The following DCAF1 variants were observed in gnomAD, a reference collection of about 807,000 sequenced individuals.
DCAF1 encodes DDB1 and CUL4 associated factor 1.
In DCAF1, 15 loss-of-function variants were observed where a neutral mutation model predicts 128.0. That is an observed-to-expected ratio of 0.12 (90% CI 0.08 to 0.18). The LOEUF is 0.18. DCAF1 is among the 10% of genes least tolerant of loss of function. The pLI is 1.00. For missense variants in DCAF1, 988 were observed against 1,649.5 expected (o/e 0.60, Z 6.95); for synonymous variants, 610 against 603.0 (o/e 1.01, Z -0.17).
At chr3:51,412,582 T>C in intron 22 of DCAF1, 102 bp from the exon 23 acceptor site, 4 of 1,540,746 alleles carry the variant, frequency 2.6e-6, no homozygotes, top group South Asian at 1.2e-5. Context: ...CCTGTAATTA[T>C]TAAAGCTTCT....
chr3:51,476,151 G>A (rs1705421221), intron 3 of DCAF1, among the ~76,000 whole-genome samples: 2 of 151,752 alleles, frequency 1.3e-5, no homozygotes, highest in African/African-American at 2.4e-5. Flanking sequence ...GGAGCACTTT[G>A]GGAGGCTGAG....
intron 5 of DCAF1, 86 bp from the exon 6 acceptor site, chr3:51,463,313 A>G: frequency 1.4e-6 from 1 of 700,400 alleles, no homozygotes; most frequent in African/African-American, 1.8e-5. Flanking sequence ...ACATATTCCC[A>G]TTACTTTCTT....
rs941118071 is a variant in DCAF1 at position 51,428,030 on chromosome 3, T to A, written c.1678-489A>T. On this transcript the variant is annotated intron_variant, in intron 12 of 24. Transcript: ENST00000684031. ...CCACAATTCTTGAGTCAAAAGCCCA[T>A]ATGTGAAGTAATGACCATAGATTGC... 2.6e-5 allele frequency among the ~76,000 whole-genome samples: 4 copies of A among 152,308 alleles called. No homozygotes were observed. In the East Asian group the frequency reaches 7.7e-4, roughly 29 times the overall value.
intron 24 of DCAF1, among the ~76,000 whole-genome samples, chr3:51,401,731 C>A (rs1426440408): frequency 1.3e-5 from 2 of 152,206 alleles, no homozygotes; most frequent in Non-Finnish European, 2.9e-5. Flanking sequence ...GGGAGCACCA[C>A]CATCAGCTGG....
chr3:51,476,243 T>C (rs1004240640), intron 3 of DCAF1, among the ~76,000 whole-genome samples: 5 of 151,240 alleles, frequency 3.3e-5, no homozygotes, highest in South Asian at 4.2e-4. Context: ...ATACGAAAAT[T>C]AGCCAGGCAT....
chr3:51,454,240 T>C (rs1553642237), intron 6 of DCAF1, among the ~76,000 whole-genome samples: 1 of 152,124 alleles, frequency 6.6e-6, no homozygotes, highest in Non-Finnish European at 1.5e-5. Context: ...AGGGTCTTCC[T>C]ATATTGCCCA....
At chr3:51,426,385 T>C (rs1352963508) in intron 13 of DCAF1, among the ~76,000 whole-genome samples, 1 of 152,078 alleles carries the variant, frequency 6.6e-6, no homozygotes, top group Non-Finnish European at 1.5e-5. Flanking sequence ...AATTTTTCTA[T>C]TTTTAGTAGA....
At chr3:51,438,396 G>T (rs1701052401) in intron 9 of DCAF1, among the ~76,000 whole-genome samples, 1 of 152,022 alleles carries the variant, frequency 6.6e-6, no homozygotes, top group Admixed American at 6.6e-5. Context: ...AACGGCATAG[G>T]TATCTCACAA....
intron 23 of DCAF1, among the ~76,000 whole-genome samples, chr3:51,407,337 A>G (rs527826522): frequency 6.6e-6 from 1 of 152,136 alleles, no homozygotes; most frequent in Non-Finnish European, 1.5e-5. Flanking sequence ...TCTTTCCTCA[A>G]TGGCAGAATC....
chr3:51,491,145 C>T (rs1707594075), intron 2 of DCAF1, among the ~76,000 whole-genome samples: 1 of 150,834 alleles, frequency 6.6e-6, no homozygotes, highest in Non-Finnish European at 1.5e-5. Context: ...GTCAAGAGAT[C>T]GAGACCATTC....
intron 23 of DCAF1, among the ~76,000 whole-genome samples, chr3:51,404,523 A>C (rs2089971726): frequency 6.6e-6 from 1 of 152,240 alleles, no homozygotes; most frequent in Non-Finnish European, 1.5e-5. Context: ...ACTAGAAACC[A>C]GTGTGTAACA....
intron 8 of DCAF1, 112 bp from the exon 9 acceptor site, chr3:51,441,183 C>T: frequency 8.4e-7 from 1 of 1,192,548 alleles, no homozygotes; most frequent in South Asian, 1.4e-5. Flanking sequence ...TTCCTCCCTC[C>T]CTGTGAAGAT....
At chr3:51,462,153 C>T (rs1450261258) in intron 6 of DCAF1, among the ~76,000 whole-genome samples, 1 of 151,860 alleles carries the variant, frequency 6.6e-6, no homozygotes, top group African/African-American at 2.4e-5. Context: ...CCAGGTGTGG[C>T]AGTTCATGCC....
At chr3:51,418,095 G>A (rs1407979459) in intron 17 of DCAF1, 21 bp downstream of exon 17, 2 of 1,603,760 alleles carry the variant, frequency 1.2e-6, no homozygotes, top group Admixed American at 3.4e-5. Flanking sequence ...CACAGACTAG[G>A]TTCCAAAAGC....
At chr3:51,415,685 TCAAG>T (rs1222038726) in intron 18 of DCAF1, among the ~76,000 whole-genome samples, 2 of 152,022 alleles carry the variant, frequency 1.3e-5, no homozygotes, top group African/African-American at 2.4e-5. Flanking sequence ...ACTCATGGGC[TCAAG>T]CAACCCTCCC....
intron 3 of DCAF1, 86 bp downstream of exon 3, chr3:51,483,609 TTGTGTGTGTGTGTGTGTGTGTGTG>T (rs57475291): frequency 6.3e-6 from 3 of 475,852 alleles, no homozygotes; most frequent in South Asian, 6.5e-5. Context: ...TTAAACTAGT[TTGTGTGTGTGTGTGTGTGTGTGTG>T]TGTGTGTGTG....
chr3:51,485,735 T>C (rs894840875), intron 2 of DCAF1, among the ~76,000 whole-genome samples: 1 of 152,224 alleles, frequency 6.6e-6, no homozygotes, highest in Admixed American at 6.5e-5. Context: ...CATTGCATTA[T>C]TGCATTGTAT....
intron 6 of DCAF1, among the ~76,000 whole-genome samples, chr3:51,448,923 T>C (rs1702116582): frequency 2.6e-5 from 4 of 151,828 alleles, no homozygotes; most frequent in Admixed American, 2.0e-4. Flanking sequence ...TTATGTTTTT[T>C]TTTTCCCAGA....
chr3:51,441,687 G>A lies in DCAF1; in HGVS notation c.724C>T (p.His242Tyr), dbSNP rs1553638779. Reference protein sequence around the residue: ...EASGDMEISFHLDSGHKTSSR... With the variant: ...EASGDMEISFYLDSGHKTSSR... ...CTAGTCTTGTGGCCTGAATCAAGAT[G>A]AAAGGAGATCTCCATGTCTCCAGAA... The change falls in exon 8 of 25, where the codon CAT becomes TAT. Residue 242 changes from histidine to tyrosine, a missense_variant. Physicochemically the swap from His to Tyr is moderately conservative, Grantham distance 83. This residue lies in a region of DCAF1 where 210 missense variants were observed against 260.2 expected (regional missense o/e 0.81). Transcript: ENST00000684031. 6.2e-7 allele frequency: 1 copy of A among 1,613,928 alleles called. No individual in the cohort carries two copies. Among genetic ancestry groups the A allele is most frequent in the East Asian group, 2.2e-5 (1 of 44,884 alleles).
Sources: gnomAD v4.1 joint callset for allele counts (sites outside exome capture counted in the v4.1 genomes callset) on GRCh38, gnomAD v4.1.1 for gene constraint, gnomAD v4.1.1 regional missense constraint, MANE v1.5 for transcripts, NCBI Gene and HGNC (gene_info 2026-07-23, HGNC 2026-07-21) for gene names.